The following MAML3 variants were observed in gnomAD, a reference collection of about 807,000 sequenced individuals.
MAML3 encodes mastermind-like protein 3.
A neutral mutation model predicts 101.9 loss-of-function variants in MAML3; 27 were observed. The observed-to-expected ratio is 0.27, with a 90% CI of 0.20 to 0.37. MAML3 has a LOEUF of 0.37. Ranked by LOEUF, MAML3 falls within the 10% of genes least tolerant of loss-of-function variation. MAML3 has a pLI of 1.00. For synonymous variants in MAML3, 501 were observed against 555.9 expected (o/e 0.90, Z 1.39); for missense variants, 1,316 against 1,444.9 (o/e 0.91, Z 1.45).
intron 1 of MAML3, among the ~76,000 whole-genome samples, chr4:139,904,648 A>C (rs1304227015): frequency 6.6e-6 from 1 of 152,236 alleles, no homozygotes; most frequent in East Asian, 1.9e-4. Context: ...AGGCAGAGAG[A>C]GCACCACCTT....
At chr4:139,942,175 C>A (rs1195663437) in intron 1 of MAML3, among the ~76,000 whole-genome samples, 4 of 146,782 alleles carry the variant, frequency 2.7e-5, no homozygotes, top group Admixed American at 2.7e-4. Context: ...GGAGGGAAGG[C>A]AGGCAGGCAG....
intron 1 of MAML3, among the ~76,000 whole-genome samples, chr4:140,004,202 C>T (rs1437391960): frequency 6.6e-6 from 1 of 152,194 alleles, no homozygotes; most frequent in Non-Finnish European, 1.5e-5. Flanking sequence ...TTAACAATGG[C>T]ACAGAAGGCA....
At chr4:139,935,807 A>C (rs759191722) in intron 1 of MAML3, among the ~76,000 whole-genome samples, 7 of 152,184 alleles carry the variant, frequency 4.6e-5, no homozygotes, top group Non-Finnish European at 1.0e-4. Flanking sequence ...GTTTTGATAT[A>C]TGTATACATG....
chr4:139,872,377 A>T (rs2667360), intron 2 of MAML3, among the ~76,000 whole-genome samples: 42,484 of 152,098 alleles, frequency 0.28, 6,534 homozygotes, highest in East Asian at 0.62. Context: ...TGGGAAATGG[A>T]AAGAAAAGCC....
At chr4:139,920,491 T>C (rs978448542) in intron 1 of MAML3, among the ~76,000 whole-genome samples, 3 of 152,020 alleles carry the variant, frequency 2.0e-5, no homozygotes, top group Non-Finnish European at 4.4e-5. Context: ...AAATAAGAAC[T>C]CCCCAAAACA....
At chr4:139,957,451 A>G (rs1190800810) in intron 1 of MAML3, among the ~76,000 whole-genome samples, 1 of 152,244 alleles carries the variant, frequency 6.6e-6, no homozygotes, top group Non-Finnish European at 1.5e-5. Flanking sequence ...TTAAGAAGGC[A>G]GAGGAAACAA....
chr4:140,026,194 A>G (rs1246666588), intron 1 of MAML3, among the ~76,000 whole-genome samples: 2 of 151,866 alleles, frequency 1.3e-5, no homozygotes, highest in Non-Finnish European at 2.9e-5. Flanking sequence ...AAACATATAT[A>G]TGTGTGTGTG....
chr4:139,932,055 T>C (rs1191828239), intron 1 of MAML3, among the ~76,000 whole-genome samples: 2 of 152,174 alleles, frequency 1.3e-5, no homozygotes, highest in Non-Finnish European at 1.5e-5. Context: ...TTTTTTGATT[T>C]GCTTACTACT....
chr4:139,748,887 T>C (rs1371012553), intron 2 of MAML3, among the ~76,000 whole-genome samples: 2 of 152,108 alleles, frequency 1.3e-5, no homozygotes, highest in African/African-American at 4.8e-5. Flanking sequence ...TTTGCTGGCC[T>C]CCGAAGAGAG....
At chr4:139,926,080 T>A (rs1200596721) in intron 1 of MAML3, among the ~76,000 whole-genome samples, 1 of 152,158 alleles carries the variant, frequency 6.6e-6, no homozygotes, top group Non-Finnish European at 1.5e-5. Flanking sequence ...CAGAGCTGTA[T>A]CAGCTTCAAA....
intron 1 of MAML3, among the ~76,000 whole-genome samples, chr4:140,064,163 T>G (rs1296110173): frequency 6.6e-6 from 1 of 152,216 alleles, no homozygotes; most frequent in Non-Finnish European, 1.5e-5. Flanking sequence ...TTTAATCACA[T>G]AAATGGGCCT....
intron 1 of MAML3, among the ~76,000 whole-genome samples, chr4:139,991,867 CATCTATTTTA>C (rs1261546392): frequency 6.6e-6 from 1 of 151,938 alleles, no homozygotes; most frequent in East Asian, 1.9e-4. Context: ...AACAACAAAC[CATCTATTTTA>C]AGTATATAAT....
chr4:140,006,585 CAAAAAAA>C (rs34273207), intron 1 of MAML3, among the ~76,000 whole-genome samples: 1 of 93,296 alleles, frequency 1.1e-5, no homozygotes, highest in African/African-American at 4.1e-5. Context: ...AACTCTGTCT[CAAAAAAA>C]AAAAAAAAAA....
intron 1 of MAML3, among the ~76,000 whole-genome samples, chr4:139,932,468 T>G (rs1236663025): frequency 6.6e-6 from 1 of 152,218 alleles, no homozygotes; most frequent in Non-Finnish European, 1.5e-5. Flanking sequence ...AGATAAGGCT[T>G]ATTTGCAATT....
intron 1 of MAML3, among the ~76,000 whole-genome samples, chr4:139,992,815 C>T (rs1431303973): frequency 6.6e-6 from 1 of 152,134 alleles, no homozygotes; most frequent in Admixed American, 6.5e-5. Flanking sequence ...CCTCGGCCTC[C>T]CAACCTGCTA....
rs867770198 is a variant in MAML3 at position 139,809,881 on chromosome 4, C to A, written c.2080-79214G>T. On this transcript the variant is annotated intron_variant, in intron 2 of 4. Coordinates refer to ENST00000509479, the MANE Select transcript of MAML3 (RefSeq NM_018717.5). ...ACCTGCACGTACACACACACACACA[C>A]ACACACACACACACACACGGATGCT... 3.9e-4 allele frequency among the ~76,000 whole-genome samples: 59 copies of A among 151,974 alleles called. 1 individual carries two copies. In the Middle Eastern group the frequency reaches 0.01, roughly 26 times the overall value.
chr4:140,085,313 T>C (rs1727933926), intron 1 of MAML3, among the ~76,000 whole-genome samples: 1 of 152,160 alleles, frequency 6.6e-6, no homozygotes, highest in African/African-American at 2.4e-5. Context: ...CTGGTCTAAG[T>C]GGAGCAGCCA....
intron 2 of MAML3, among the ~76,000 whole-genome samples, chr4:139,881,568 T>C (rs1407166045): frequency 2.6e-5 from 4 of 152,224 alleles, no homozygotes; most frequent in African/African-American, 9.6e-5. Flanking sequence ...ACAGAGCAAC[T>C]AATTAGCTTT....
chr4:140,145,612 CTGGAG>C (rs1729046063), intron 1 of MAML3, among the ~76,000 whole-genome samples: 1 of 152,164 alleles, frequency 6.6e-6, no homozygotes, highest in Admixed American at 6.6e-5. Flanking sequence ...TGTCACCAGG[CTGGAG>C]TGTAGTGGCA....
Sources: gnomAD v4.1 joint callset for allele counts (sites outside exome capture counted in the v4.1 genomes callset) on GRCh38, gnomAD v4.1.1 for gene constraint, MANE v1.5 for transcripts, NCBI Gene and HGNC (gene_info 2026-07-23, HGNC 2026-07-21) for gene names.